The following DCDC1 variants were observed in gnomAD, a reference collection of about 807,000 sequenced individuals.
DCDC1 encodes doublecortin domain-containing protein 1.
A neutral mutation model predicts 178.3 loss-of-function variants in DCDC1; 200 were observed. The ratio of observed to expected loss-of-function variants is 1.12; its 90% confidence interval spans 1.00 to 1.26. The LOEUF (loss-of-function observed/expected upper bound fraction) is 1.26. Among genes scored for constraint, DCDC1 ranks in the 50% most tolerant of loss-of-function variants. The pLI is 0.00. For synonymous variants in DCDC1, 690 were observed against 604.8 expected (o/e 1.14, Z -2.07); for missense variants, 1,983 against 1,749.2 (o/e 1.13, Z -2.38).
At chr11:30,923,176 T>C (rs767204561) in intron 23 of DCDC1, among the ~76,000 whole-genome samples, 18 of 152,108 alleles carry the variant, frequency 1.2e-4, no homozygotes, top group Non-Finnish European at 1.9e-4. Flanking sequence ...ACACAGCTAT[T>C]CCCATTCATT....
chr11:30,944,545 G>T (rs1051990761), intron 21 of DCDC1, among the ~76,000 whole-genome samples: 6 of 152,034 alleles, frequency 3.9e-5, no homozygotes, highest in African/African-American at 1.4e-4. Flanking sequence ...AATAGAGTTT[G>T]TTCTGCTAAA....
intron 20 of DCDC1, among the ~76,000 whole-genome samples, chr11:30,992,293 C>T (rs1248412779): frequency 1.3e-5 from 2 of 152,110 alleles, no homozygotes; most frequent in African/African-American, 4.8e-5. Flanking sequence ...AAATGGTGAC[C>T]ATGTAGCTGA....
intron 20 of DCDC1, among the ~76,000 whole-genome samples, chr11:30,972,866 T>G (rs291145): frequency 6.6e-6 from 1 of 152,068 alleles, no homozygotes; most frequent in Non-Finnish European, 1.5e-5. Context: ...ATGTTGGAGG[T>G]TGGTCCTGGT....
chr11:31,128,075 T>C (rs1351894039), intron 10 of DCDC1, among the ~76,000 whole-genome samples: 1 of 152,084 alleles, frequency 6.6e-6, no homozygotes, highest in Non-Finnish European at 1.5e-5. Context: ...ATGTGTAACA[T>C]TTAAATTTTC....
intron 20 of DCDC1, among the ~76,000 whole-genome samples, chr11:30,993,242 A>T (rs759196330): frequency 6.6e-6 from 1 of 152,120 alleles, no homozygotes; most frequent in Non-Finnish European, 1.5e-5. Flanking sequence ...AAATACTTTT[A>T]ATTTAAGTTA....
At chr11:31,059,630 A>G in intron 20 of DCDC1, among the ~76,000 whole-genome samples, 1 of 152,068 alleles carries the variant, frequency 6.6e-6, no homozygotes, top group East Asian at 1.9e-4. Flanking sequence ...GAAATAAGAA[A>G]TGGAGCTGTA....
chr11:30,871,369 AC>A (rs1047725967), intron 38 of DCDC1, among the ~76,000 whole-genome samples: 15 of 152,240 alleles, frequency 9.9e-5, no homozygotes, highest in African/African-American at 3.4e-4. Flanking sequence ...AGAGGCCACC[AC>A]GAAGCCTGTT....
intron 20 of DCDC1, among the ~76,000 whole-genome samples, chr11:31,043,777 G>A (rs758896606): frequency 3.3e-5 from 5 of 151,488 alleles, no homozygotes; most frequent in African/African-American, 7.3e-5. Flanking sequence ...CTGCTGAGCC[G>A]GTAATTTTGA....
intron 25 of DCDC1, among the ~76,000 whole-genome samples, chr11:30,917,355 C>T (rs1945916878): frequency 1.3e-5 from 2 of 152,104 alleles, no homozygotes; most frequent in South Asian, 4.1e-4. Flanking sequence ...TCACAATGAA[C>T]ATGTAATGAG....
intron 21 of DCDC1, among the ~76,000 whole-genome samples, chr11:30,936,147 C>G (rs946259540): frequency 2.0e-5 from 3 of 152,208 alleles, no homozygotes; most frequent in Non-Finnish European, 2.9e-5. Context: ...GTCAGAAGTC[C>G]TTTTAACCTG....
chr11:31,249,596 A>C (rs186446978), intron 8 of DCDC1, among the ~76,000 whole-genome samples: 4 of 152,298 alleles, frequency 2.6e-5, no homozygotes, highest in Admixed American at 2.6e-4. Flanking sequence ...CCAAGGAATG[A>C]AGACTTCCTG....
chr11:30,959,661 A>C (rs1286322560), intron 20 of DCDC1, among the ~76,000 whole-genome samples: 2 of 152,152 alleles, frequency 1.3e-5, no homozygotes, highest in Admixed American at 1.3e-4. Context: ...TGGCTTCCCC[A>C]GTGACTGCCT....
At chr11:31,137,328 T>C (rs1346030914) in intron 10 of DCDC1, among the ~76,000 whole-genome samples, 1 of 151,534 alleles carries the variant, frequency 6.6e-6, no homozygotes, top group East Asian at 2.0e-4. Flanking sequence ...AAATTTATCT[T>C]CATTTTAAAA....
intron 36 of DCDC1, among the ~76,000 whole-genome samples, chr11:30,889,252 T>C (rs1259668928): frequency 6.6e-6 from 1 of 152,198 alleles, no homozygotes; most frequent in African/African-American, 2.4e-5. Flanking sequence ...CATTGATGAC[T>C]GATGAGCCGA....
intron 9 of DCDC1, among the ~76,000 whole-genome samples, chr11:31,238,916 A>G (rs1176956979): frequency 6.6e-6 from 1 of 152,142 alleles, no homozygotes; most frequent in East Asian, 1.9e-4. Context: ...ATAACAGCCA[A>G]GCTAAAGTTA....
intron 7 of DCDC1, among the ~76,000 whole-genome samples, chr11:31,284,593 T>A (rs1352903210): frequency 6.6e-6 from 1 of 151,608 alleles, no homozygotes; most frequent in African/African-American, 2.4e-5. Context: ...ATAATTTTAA[T>A]AAAAAACACA....
chr11:31,368,104 C>T (rs911535991), intron 1 of DCDC1, among the ~76,000 whole-genome samples: 1 of 152,046 alleles, frequency 6.6e-6, no homozygotes, highest in African/African-American at 2.4e-5. Context: ...TATTATGTGA[C>T]AGTCCAATAA....
intron 18 of DCDC1, 58 bp downstream of exon 18, chr11:31,077,807 T>C: frequency 2.7e-6 from 2 of 750,576 alleles, no homozygotes; most frequent in Non-Finnish European, 4.9e-6. Context: ...GTACCCTTTA[T>C]AAGAATCTGG....
chr11:31,039,751 G>A (rs12270347), intron 20 of DCDC1, among the ~76,000 whole-genome samples: 2,292 of 152,196 alleles, frequency 0.015, 45 homozygotes, highest in African/African-American at 0.052. Flanking sequence ...TACAGAAGCT[G>A]ACTGAAAATT....
Sources: allele counts gnomAD v4.1 joint callset (sites outside exome capture counted in the v4.1 genomes callset), GRCh38; gene constraint gnomAD v4.1.1; transcripts MANE v1.5; gene names NCBI Gene and HGNC (gene_info 2026-07-23, HGNC 2026-07-21).